Variants in RIMS2 observed in about 807,000 individuals in gnomAD.
RIMS2 encodes the protein regulating synaptic membrane exocytosis protein 2.
Under a neutral mutation model 174.4 loss-of-function variants are expected in RIMS2, and 59 were observed. The observed-to-expected ratio is 0.34, with a 90% CI of 0.27 to 0.42. The LOEUF (loss-of-function observed/expected upper bound fraction) is 0.42. Ranked by LOEUF, RIMS2 falls within the 10% of genes least tolerant of loss-of-function variation. The probability of loss-of-function intolerance (pLI) is 1.00; values close to 1 mark genes in which losing one functional copy is unlikely to be tolerated. For synonymous variants in RIMS2, 606 were observed against 572.5 expected (o/e 1.06, Z -0.84); for missense variants, 1,620 against 1,666.3 (o/e 0.97, Z 0.48).
chr8:103,653,157 G>T (rs974412122), intron 1 of RIMS2, among the ~76,000 whole-genome samples: 2 of 152,036 alleles, frequency 1.3e-5, no homozygotes, highest in Admixed American at 6.6e-5. Flanking sequence ...TGCTCCAAGG[G>T]TATTAGAACA....
chr8:103,518,368 TA>T (rs1216947759), intron 1 of RIMS2, among the ~76,000 whole-genome samples: 80 of 147,450 alleles, frequency 5.4e-4, no homozygotes, highest in African/African-American at 6.2e-4. Context: ...GCTGATGAGC[TA>T]AAAAAAAAAA....
At chr8:104,145,077 A>C (rs1252727746) in intron 19 of RIMS2, among the ~76,000 whole-genome samples, 2 of 152,192 alleles carry the variant, frequency 1.3e-5, no homozygotes, top group Admixed American at 1.3e-4. Context: ...AATTTATTTA[A>C]ACATCCACTG....
At chr8:104,075,223 G>A (rs1418602428) in intron 19 of RIMS2, among the ~76,000 whole-genome samples, 1 of 152,104 alleles carries the variant, frequency 6.6e-6, no homozygotes, top group Non-Finnish European at 1.5e-5. Context: ...TAAAACAGAC[G>A]TCATTATGCA....
At chr8:104,096,438 G>T (rs76534396) in intron 19 of RIMS2, among the ~76,000 whole-genome samples, 3,104 of 152,206 alleles carry the variant, frequency 0.02, 42 homozygotes, top group Middle Eastern at 0.11. Flanking sequence ...CTAGAAATGT[G>T]GTTGATCAAA....
chr8:103,670,159 G>T (rs1016750214), intron 1 of RIMS2, among the ~76,000 whole-genome samples: 1 of 152,350 alleles, frequency 6.6e-6, no homozygotes, highest in Admixed American at 6.5e-5. Flanking sequence ...CTTTGGGCTT[G>T]CACCCTCTGC....
chr8:104,097,243 T>A (rs2097778554), intron 19 of RIMS2, among the ~76,000 whole-genome samples: 1 of 152,226 alleles, frequency 6.6e-6, no homozygotes. Flanking sequence ...AGGATCCACG[T>A]GTAAACACTA....
At chr8:104,087,934 G>T (rs1341176638) in intron 19 of RIMS2, among the ~76,000 whole-genome samples, 2 of 151,920 alleles carry the variant, frequency 1.3e-5, no homozygotes, top group Non-Finnish European at 2.9e-5. Flanking sequence ...TCAAGCTGGG[G>T]TTTCATTTGC....
At chr8:104,077,178 T>C (rs1164666799) in intron 19 of RIMS2, among the ~76,000 whole-genome samples, 1 of 152,140 alleles carries the variant, frequency 6.6e-6, no homozygotes, top group Non-Finnish European at 1.5e-5. Flanking sequence ...GAGCTTGATA[T>C]GTAACAGCAA....
chr8:103,865,163 TATAAAA>T (rs1166633402), intron 3 of RIMS2, among the ~76,000 whole-genome samples: 1 of 151,638 alleles, frequency 6.6e-6, no homozygotes, highest in Non-Finnish European at 1.5e-5. Flanking sequence ...TTATCATAAT[TATAAAA>T]ATAAAAATAA....
chr8:104,228,289 A>T (rs2139046843), intron 19 of RIMS2, among the ~76,000 whole-genome samples: 1 of 152,122 alleles, frequency 6.6e-6, no homozygotes, highest in South Asian at 2.1e-4. Context: ...CGACCTCCCA[A>T]AGTGCTGAGA....
chr8:104,097,487 A>G (rs2097782678), intron 19 of RIMS2, among the ~76,000 whole-genome samples: 1 of 152,144 alleles, frequency 6.6e-6, no homozygotes, highest in African/African-American at 2.4e-5. Flanking sequence ...GCACTTATTA[A>G]CACATAAGTA....
In RIMS2 at chr8:103,688,185, G is replaced by T. The variant is rs141723206; in HGVS notation, c.177-8901G>T. ...CCTTGTCTTCTTCTTGATCTTAGAG[G>T]AAAGTTTCCAACTTTTCACCGTTGA... On this transcript the variant is annotated intron_variant, in intron 1 of 23. Coordinates refer to ENST00000504942, the Ensembl canonical transcript of RIMS2. 2.6e-3 allele frequency among the ~76,000 whole-genome samples: 389 copies of T among 152,126 alleles called. 2 individuals carry two copies. The highest frequency in any genetic ancestry group is 8.8e-3 in the African/African-American group (365 of 41,520).
intron 19 of RIMS2, among the ~76,000 whole-genome samples, chr8:104,166,265 A>T (rs187515778): frequency 0.022 from 3,305 of 151,066 alleles, 125 homozygotes; most frequent in African/African-American, 0.076. Context: ...GCGGGGTTTC[A>T]CTGTGTTAGC....
At chr8:104,154,631 G>A (rs543725132) in intron 19 of RIMS2, among the ~76,000 whole-genome samples, 95 of 152,268 alleles carry the variant, frequency 6.2e-4, no homozygotes, top group Non-Finnish European at 1.1e-3. Flanking sequence ...TAAAAACAGG[G>A]ACTTACTTGT....
chr8:103,992,274 AT>A (rs1186537194), intron 17 of RIMS2, among the ~76,000 whole-genome samples: 3,217 of 107,060 alleles, frequency 0.03, 48 homozygotes, highest in African/African-American at 0.075. Context: ...ATGTCCAGCT[AT>A]TTTTTTTTTT....
Position 103,584,368 on chromosome 8 carries a change from A to G in RIMS2, c.176+83306A>G, listed in dbSNP as rs374923770. On this transcript the variant is annotated intron_variant, in intron 1 of 23. Coordinates refer to ENST00000504942, the Ensembl canonical transcript of RIMS2. ...GTACTTCAATCAGAAAGAAGAGGAC[A>G]TTAATGAGCAATAAATAATCACCTG... 2.4e-4 allele frequency among the ~76,000 whole-genome samples: 36 copies of G among 152,302 alleles called. No homozygotes were observed. In the East Asian group the frequency reaches 5.8e-3, roughly 25 times the overall value.
chr8:104,151,585 GA>G (rs35948552), intron 19 of RIMS2, among the ~76,000 whole-genome samples: 87,803 of 148,060 alleles, frequency 0.59, 25,832 homozygotes, highest in Middle Eastern at 0.68. Flanking sequence ...CCCAACTCCA[GA>G]AAAAAAAAAA....
chr8:103,765,546 A>G (rs2098161621), intron 2 of RIMS2, among the ~76,000 whole-genome samples: 1 of 152,208 alleles, frequency 6.6e-6, no homozygotes, highest in South Asian at 2.1e-4. Context: ...AAAACATCAG[A>G]TGCATTAGTA....
chr8:103,980,586 A>T (rs1178826351), intron 16 of RIMS2, among the ~76,000 whole-genome samples: 1 of 152,192 alleles, frequency 6.6e-6, no homozygotes, highest in Non-Finnish European at 1.5e-5. Flanking sequence ...CTTAGATGTC[A>T]GCTCAGCCAC....
Sources: allele counts gnomAD v4.1 joint callset (sites outside exome capture counted in the v4.1 genomes callset), GRCh38; gene constraint gnomAD v4.1.1; transcripts MANE v1.5; gene names NCBI Gene and HGNC (gene_info 2026-07-23, HGNC 2026-07-21).